Variants in KANK4 observed in about 807,000 individuals in gnomAD.
The protein encoded by KANK4 is KN motif and ankyrin repeat domains 4.
A neutral mutation model predicts 80.8 loss-of-function variants in KANK4; 50 were observed. The ratio of observed to expected loss-of-function variants is 0.62; its 90% confidence interval spans 0.49 to 0.78. KANK4 has a LOEUF of 0.78. KANK4 is among the 30% of genes least tolerant of loss of function. KANK4 has a pLI of 0.00. For synonymous variants in KANK4, 465 were observed against 506.9 expected (o/e 0.92, Z 1.11); for missense variants, 1,196 against 1,240.1 (o/e 0.96, Z 0.53).
chr1:62,256,626 G>A (rs186664766), intron 7 of KANK4, among the ~76,000 whole-genome samples: 8 of 151,922 alleles, frequency 5.3e-5, no homozygotes, highest in African/African-American at 7.3e-5. Context: ...CAGGTGATCC[G>A]CGCACCTCGG....
intron 9 of KANK4, among the ~76,000 whole-genome samples, 197 bp from the exon 10 acceptor site, chr1:62,238,578 C>T (rs891817713): frequency 2.0e-5 from 3 of 151,850 alleles, no homozygotes; most frequent in Non-Finnish European, 4.4e-5. Context: ...AATAGTGACT[C>T]CTGGGAAATC....
intron 2 of KANK4, among the ~76,000 whole-genome samples, chr1:62,276,151 T>C (rs913406273): frequency 3.9e-5 from 6 of 152,194 alleles, no homozygotes; most frequent in African/African-American, 7.2e-5. Context: ...CATCCACCTG[T>C]TGACTCCAAC....
chr1:62,260,599 T>G (rs1178054883), intron 7 of KANK4, among the ~76,000 whole-genome samples: 2 of 152,188 alleles, frequency 1.3e-5, no homozygotes, highest in Middle Eastern at 3.2e-3. Flanking sequence ...GCTTTGCTCC[T>G]TCCACTCTGC....
rs754655257 is a variant in KANK4 at position 62,274,318 on chromosome 1, C to T, written c.786G>A (p.Glu262=). ...TGGCATTGTGTTCATCTTCCTTGTC[C>T]TCTAGAACTACAAGCACATTCTGGA... ...FSFQNVLVVL[E]DKEDEHNARE... The change falls in exon 3 of 10, where the codon GAG becomes GAA. Residue 262 remains glutamate, a synonymous_variant. Coordinates refer to ENST00000371153, the MANE Select transcript of KANK4 (RefSeq NM_181712.5). 21 of 1,614,184 alleles carry T rather than the reference C, an allele frequency of 1.3e-5. No homozygotes were observed. The highest frequency in any genetic ancestry group is 1.6e-5 in the Non-Finnish European group (19 of 1,180,030).
rs953441032 is a variant in KANK4, at chr1:62,237,061, G to A, written c.*1216C>T. The A allele has an allele frequency of 6.6e-6, 1 of 151,614 alleles. No individual in the cohort carries two copies. The highest frequency in any genetic ancestry group is 2.4e-5 in the African/African-American group (1 of 41,300). The allele number at this position is 151,614 out of a possible 1,614,324, so 9.4% of individuals were successfully genotyped here. On this transcript the variant is annotated 3_prime_UTR_variant, in exon 10 of 10. Transcript: ENST00000371153. ...CAAATTGGCATCTGAGCCAAAATGA[G>A]AGTGCAAGCTTTTGAGTTTCCAATG...
At chr1:62,300,999 A>G (rs1279605212) in intron 1 of KANK4, among the ~76,000 whole-genome samples, 3 of 152,088 alleles carry the variant, frequency 2.0e-5, no homozygotes, top group Admixed American at 6.5e-5. Context: ...AATTGCAGGC[A>G]TAATTACATA....
At chr1:62,253,274 C>A (rs1308327850) in intron 7 of KANK4, 65 bp from the exon 8 acceptor site, 18 of 1,499,440 alleles carry the variant, frequency 1.2e-5, no homozygotes, top group Non-Finnish European at 1.8e-6. Flanking sequence ...TCCACTTTAG[C>A]CGTTTCAATG....
At position 62,253,179 on chromosome 1, in the gene KANK4, G is replaced by T; in HGVS notation, c.2570C>A (p.Ala857Asp). ...AGTGATCATTACGGCAGTGTAGCCA[G>T]CTTTGTTCTGATGGTCCACATTGCA... is the stretch of plus-strand genomic sequence containing the variant. The part of the protein sequence containing the change: ...GVCNVDHQNK[A>D]GYTAVMITPL... The change falls in exon 8 of 10, where the codon GCT becomes GAT. Residue 857 changes from alanine to aspartate, a missense_variant. By Grantham distance (126) the Ala-to-Asp change is moderately radical. Coordinates refer to ENST00000371153, the MANE Select transcript of KANK4 (RefSeq NM_181712.5). The T allele has an allele frequency of 1.2e-6, 2 of 1,612,174 alleles. No individual in the cohort carries two copies. Among genetic ancestry groups the T allele is most frequent in the Non-Finnish European group, 1.7e-6 (2 of 1,179,602 alleles).
intron 4 of KANK4, among the ~76,000 whole-genome samples, chr1:62,270,554 T>C (rs1409035876): frequency 6.6e-6 from 1 of 151,954 alleles, no homozygotes; most frequent in African/African-American, 2.4e-5. Context: ...CCAACTAATT[T>C]TGTATTTTTA....
At chr1:62,252,634 G>C (rs569260635) in intron 8 of KANK4, among the ~76,000 whole-genome samples, 1 of 152,344 alleles carries the variant, frequency 6.6e-6, no homozygotes, top group African/African-American at 2.4e-5. Flanking sequence ...AAGGCTTTGG[G>C]GTGACAGAGG....
intron 1 of KANK4, among the ~76,000 whole-genome samples, chr1:62,294,593 C>T (rs1171133783): frequency 6.6e-6 from 1 of 152,130 alleles, no homozygotes; most frequent in Non-Finnish European, 1.5e-5. Flanking sequence ...ACAGGCTGCA[C>T]ATTCAGGAAA....
chr1:62,296,956 C>T (rs1557504437), intron 1 of KANK4, among the ~76,000 whole-genome samples: 1 of 152,062 alleles, frequency 6.6e-6, no homozygotes, highest in African/African-American at 2.4e-5. Flanking sequence ...GTGGCTCACG[C>T]CTGTAATCCC....
intron 2 of KANK4, among the ~76,000 whole-genome samples, chr1:62,278,729 C>G (rs1571013048): frequency 6.6e-6 from 1 of 151,920 alleles, no homozygotes; most frequent in African/African-American, 2.4e-5. Flanking sequence ...AACTTGCTCC[C>G]CCACCTTCCC....
chr1:62,240,767 A>G (rs1338279908), intron 9 of KANK4, among the ~76,000 whole-genome samples: 5 of 152,112 alleles, frequency 3.3e-5, no homozygotes, highest in African/African-American at 9.7e-5. Context: ...ATGTCACAGC[A>G]CTCTTTACAT....
intron 8 of KANK4, among the ~76,000 whole-genome samples, chr1:62,251,946 C>G (rs1570968875): frequency 7.1e-6 from 1 of 140,970 alleles, no homozygotes; most frequent in East Asian, 2.1e-4. Flanking sequence ...GAGCCGAGAT[C>G]AAGCCATTGC....
chr1:62,297,074 G>A (rs529616323), intron 1 of KANK4, among the ~76,000 whole-genome samples: 5 of 151,862 alleles, frequency 3.3e-5, no homozygotes, highest in South Asian at 4.2e-4. Context: ...AAAATTAGCC[G>A]GGTGTGGTGA....
intron 1 of KANK4, among the ~76,000 whole-genome samples, chr1:62,315,525 C>T (rs908333392): frequency 3.3e-5 from 5 of 152,254 alleles, no homozygotes; most frequent in African/African-American, 1.2e-4. Flanking sequence ...CACACACAAT[C>T]GAGTGGCTCT....
chr1:62,266,843 A>C, intron 5 of KANK4, 24 bp from the exon 6 acceptor site: 1 of 1,291,262 alleles, frequency 7.7e-7, no homozygotes, highest in Admixed American at 1.8e-5. Flanking sequence ...ACATATATAC[A>C]CATATTTATA....
rs535365699 is a variant in KANK4 at position 62,253,670 on chromosome 1, G to C, written c.2540-461C>G. 6.4e-4 allele frequency among the ~76,000 whole-genome samples: 97 copies of C among 152,102 alleles called. 1 individual carries two copies. In the South Asian group the frequency reaches 0.02, roughly 31 times the overall value. On this transcript the variant is annotated intron_variant, in intron 7 of 9. Transcript: ENST00000371153. ...TTCGTGATCCACCCTCCTTGGCTTC[G>C]CAAAGTGCTGAGATTACAGGCATGA... is the stretch of plus-strand genomic sequence containing the variant.
Sources: gnomAD v4.1 joint callset for allele counts (sites outside exome capture counted in the v4.1 genomes callset) on GRCh38, gnomAD v4.1.1 for gene constraint, MANE v1.5 for transcripts, NCBI Gene and HGNC (gene_info 2026-07-23, HGNC 2026-07-21) for gene names.